Variants in POU2F1 observed in about 807,000 individuals in gnomAD.
The protein encoded by POU2F1 is POU class 2 homeobox 1.
Under a neutral mutation model 84.9 loss-of-function variants are expected in POU2F1, and 16 were observed. The observed-to-expected ratio is 0.19, with a 90% confidence interval of 0.13 to 0.29. The LOEUF (loss-of-function observed/expected upper bound fraction) is 0.29. Among genes scored for constraint, POU2F1 ranks in the 10% least tolerant of loss-of-function variants. The pLI is 1.00. For missense variants in POU2F1, 738 were observed against 942.6 expected (o/e 0.78, Z 2.84); for synonymous variants, 368 against 368.3 (o/e 1.00, Z 0.01).
chr1:167,340,002 T>C (rs192719021), intron 2 of POU2F1, among the ~76,000 whole-genome samples: 257 of 152,320 alleles, frequency 1.7e-3, no homozygotes, highest in African/African-American at 6.0e-3. Flanking sequence ...AAGGGTCTCT[T>C]TTTATAAATA....
chr1:167,276,576 A>AT (rs1237154539), intron 1 of POU2F1, among the ~76,000 whole-genome samples: 4 of 152,228 alleles, frequency 2.6e-5, no homozygotes, highest in East Asian at 1.9e-4. Context: ...GAAGAGTTTG[A>AT]TTTTTTAGGA....
intron 13 of POU2F1, among the ~76,000 whole-genome samples, chr1:167,409,299 C>T (rs536282526): frequency 1.3e-5 from 2 of 152,102 alleles, no homozygotes; most frequent in Non-Finnish European, 2.9e-5. Flanking sequence ...TGAGAAAAGA[C>T]AAGACAGGGC....
chr1:167,293,397 A>C (rs1222072547), intron 1 of POU2F1, among the ~76,000 whole-genome samples: 1 of 152,196 alleles, frequency 6.6e-6, no homozygotes, highest in Admixed American at 6.5e-5. Context: ...AAAATATAAA[A>C]TACCTAGGAA....
At chr1:167,331,399 G>GA (rs975996689) in intron 1 of POU2F1, among the ~76,000 whole-genome samples, 2 of 151,988 alleles carry the variant, frequency 1.3e-5, no homozygotes, top group African/African-American at 4.8e-5. Context: ...TTAAGCAGAT[G>GA]AAAAAATGTG....
At chr1:167,366,527 A>T (rs1453872900) in intron 3 of POU2F1, among the ~76,000 whole-genome samples, 1 of 152,194 alleles carries the variant, frequency 6.6e-6, no homozygotes, top group African/African-American at 2.4e-5. Context: ...GAAAACAGGT[A>T]AAATCCTGGA....
intron 1 of POU2F1, among the ~76,000 whole-genome samples, chr1:167,296,026 C>CTTT (rs34536599): frequency 4.1e-5 from 6 of 146,742 alleles, no homozygotes; most frequent in African/African-American, 1.5e-4. Context: ...AAGTAGAAAA[C>CTTT]TTTTTTTTTT....
intron 2 of POU2F1, among the ~76,000 whole-genome samples, chr1:167,333,585 A>G (rs777252094): frequency 2.6e-5 from 4 of 152,088 alleles, no homozygotes; most frequent in Non-Finnish European, 5.9e-5. Flanking sequence ...AAACTCTCCT[A>G]TACCTGGAGA....
At position 167,244,971 on chromosome 1, in the gene POU2F1, A is replaced by T. The variant is rs117781293; in HGVS notation, c.61+24013A>T. Among the ~76,000 whole-genome samples the T allele has an allele frequency of 8.5e-4, 129 of 152,318 alleles. 1 individual carries two copies. The East Asian group carries it at 0.022, about 26-fold the overall frequency. Reference sequence around the variant, plus strand: ...TAATACTACATAGCTGTCTTCTAACATCTTTTAGGAAGTAACACAACTATG... The same window carrying T: ...TAATACTACATAGCTGTCTTCTAACTTCTTTTAGGAAGTAACACAACTATG... On this transcript the variant is annotated intron_variant, in intron 1 of 15. Transcript: ENST00000367866.
chr1:167,334,406 C>T (rs1289804146), intron 2 of POU2F1, among the ~76,000 whole-genome samples: 2 of 151,808 alleles, frequency 1.3e-5, no homozygotes, highest in Non-Finnish European at 2.9e-5. Flanking sequence ...TACCTGATTT[C>T]GAGTTAAGTT....
At chr1:167,347,202 T>C (rs538946657) in intron 2 of POU2F1, among the ~76,000 whole-genome samples, 3 of 152,356 alleles carry the variant, frequency 2.0e-5, no homozygotes, top group Admixed American at 6.5e-5. Context: ...ATGTGAATAA[T>C]GTATTTTTCC....
intron 5 of POU2F1, 146 bp from the exon 6 acceptor site, chr1:167,373,959 CTGA>C (rs1013808990): frequency 2.9e-6 from 2 of 691,506 alleles, no homozygotes; most frequent in Non-Finnish European, 5.2e-6. Flanking sequence ...AGTTTGATCA[CTGA>C]TGAACATTTT....
At chr1:167,253,812 G>C (rs1020495738) in intron 1 of POU2F1, among the ~76,000 whole-genome samples, 1 of 152,106 alleles carries the variant, frequency 6.6e-6, no homozygotes, top group African/African-American at 2.4e-5. Context: ...AGGTTTGCCT[G>C]TCTCTGTGGA....
intron 1 of POU2F1, among the ~76,000 whole-genome samples, chr1:167,236,927 A>G (rs1649499304): frequency 1.3e-5 from 2 of 152,192 alleles, no homozygotes; most frequent in African/African-American, 2.4e-5. Flanking sequence ...TGGAAAGATA[A>G]TAGAGTTTTA....
chr1:167,346,516 G>A (rs531674840), intron 2 of POU2F1, among the ~76,000 whole-genome samples: 8 of 152,254 alleles, frequency 5.3e-5, no homozygotes, highest in South Asian at 4.2e-4. Context: ...CACAGACAGC[G>A]AGTAGGGGAT....
chr1:167,299,697 T>G (rs951475632), intron 1 of POU2F1, among the ~76,000 whole-genome samples: 3 of 149,654 alleles, frequency 2.0e-5, no homozygotes, highest in African/African-American at 4.9e-5. Context: ...AGACCAGAGT[T>G]TTTTTTTTTT....
At position 167,266,365 on chromosome 1, in the gene POU2F1, G is replaced by A. The variant is rs541919284; in HGVS notation, c.61+45407G>A. On this transcript the variant is annotated intron_variant, in intron 1 of 15. Coordinates refer to ENST00000367866, the MANE Select transcript of POU2F1 (RefSeq NM_002697.4). ...AATCAGGTTGGGTAGTAATTCTATT[G>A]TAAGGTGAAATTGAGATATGGCTAT... Among the ~76,000 whole-genome samples, 37 of 152,244 alleles carry A rather than the reference G, an allele frequency of 2.4e-4. 1 individual carries two copies. The South Asian group carries it at 7.2e-3, about 30-fold the overall frequency.
intron 2 of POU2F1, among the ~76,000 whole-genome samples, chr1:167,354,907 C>T (rs1467083634): frequency 1.3e-5 from 2 of 151,974 alleles, no homozygotes; most frequent in East Asian, 1.9e-4. Flanking sequence ...CATAGGAGTT[C>T]TTTGTGTATT....
Position 167,256,167 on chromosome 1 carries a change from G to T in POU2F1, c.61+35209G>T, listed in dbSNP as rs552724939. On this transcript the variant is annotated intron_variant, in intron 1 of 15. Coordinates refer to ENST00000367866, the MANE Select transcript of POU2F1 (RefSeq NM_002697.4). ...ACCTAGGGGCTGATGAAGGATGAGAGTGGTTCTACAACTTATCTGGCCATC... is the reference window on the plus strand; with the variant it reads ...ACCTAGGGGCTGATGAAGGATGAGATTGGTTCTACAACTTATCTGGCCATC... Among the ~76,000 whole-genome samples, 29 of 152,236 alleles carry T rather than the reference G, an allele frequency of 1.9e-4. No individual in the cohort carries two copies. In the South Asian group the frequency reaches 5.8e-3, roughly 30 times the overall value.
chr1:167,313,808 G>T (rs910069061), intron 1 of POU2F1, among the ~76,000 whole-genome samples: 14 of 152,214 alleles, frequency 9.2e-5, no homozygotes, highest in African/African-American at 2.9e-4. Flanking sequence ...ATGGTCCACA[G>T]TGGGAGAAAA....
Sources: allele counts gnomAD v4.1 joint callset (sites outside exome capture counted in the v4.1 genomes callset), GRCh38; gene constraint gnomAD v4.1.1; transcripts MANE v1.5; gene names NCBI Gene and HGNC (gene_info 2026-07-23, HGNC 2026-07-21).